The following ARSG variants were observed in gnomAD, a reference collection of about 807,000 sequenced individuals.
ARSG encodes the protein ASG.
A neutral mutation model predicts 50.5 loss-of-function variants in ARSG; 37 were observed. The observed-to-expected ratio is 0.73, with a 90% CI of 0.56 to 0.96. ARSG has a LOEUF of 0.96. Ranked by LOEUF, ARSG falls within the 50% of genes least tolerant of loss-of-function variation. The pLI, the probability that ARSG is intolerant of heterozygous loss-of-function variation, is 0.00. For synonymous variants in ARSG, 225 were observed against 254.6 expected, an observed-to-expected ratio of 0.88 and a Z score of 1.11; for missense variants, 629 against 675.3, an observed-to-expected ratio of 0.93 and a Z score of 0.76.
At chr17:68,308,104 G>A (rs2076678987) in intron 2 of ARSG, among the ~76,000 whole-genome samples, 1 of 152,004 alleles carries the variant, frequency 6.6e-6, no homozygotes, top group African/African-American at 2.4e-5. Context: ...ATGATTTTGG[G>A]ACCAGCTTGG....
intron 3 of ARSG, chr17:68,346,689 A>G (rs532386500): frequency 8.3e-7 from 1 of 1,204,368 alleles, no homozygotes; most frequent in South Asian, 1.5e-5. Context: ...AGAGAGGAAG[A>G]TGATGAAACC....
chr17:68,346,062 GATA>G (rs1302468515), intron 3 of ARSG, among the ~76,000 whole-genome samples: 1 of 152,072 alleles, frequency 6.6e-6, no homozygotes, highest in Non-Finnish European at 1.5e-5. Context: ...TTTTAGTAGA[GATA>G]AGGTTTTGCC....
chr17:68,415,666 C>A (rs1053871354), intron 11 of ARSG, among the ~76,000 whole-genome samples: 1 of 152,042 alleles, frequency 6.6e-6, no homozygotes, highest in African/African-American at 2.4e-5. Flanking sequence ...TCATTTCTTA[C>A]GTTATTAGTA....
chr17:68,410,551 C>A (rs886627567), intron 11 of ARSG, among the ~76,000 whole-genome samples: 3 of 151,670 alleles, frequency 2.0e-5, no homozygotes, highest in Admixed American at 6.6e-5. Context: ...ATTTTTGCAT[C>A]AATGTTCATC....
chr17:68,284,940 C>T (rs2075807890), intron 1 of ARSG, among the ~76,000 whole-genome samples: 2 of 152,160 alleles, frequency 1.3e-5, no homozygotes, highest in South Asian at 4.1e-4. Context: ...TCCCCGGACC[C>T]TGCCTGTACC....
chr17:68,275,021 C>T (rs573476419), intron 1 of ARSG, among the ~76,000 whole-genome samples: 7 of 152,260 alleles, frequency 4.6e-5, no homozygotes, highest in African/African-American at 1.7e-4. Context: ...CTCAGGTGAT[C>T]CGCCCACCTC....
chr17:68,368,439 G>C, intron 6 of ARSG, 109 bp from the exon 7 acceptor site: 1 of 978,340 alleles, frequency 1.0e-6, no homozygotes, highest in Non-Finnish European at 1.6e-6. Context: ...TGAGCCCGTG[G>C]GGCAGAAGGA....
At chr17:68,427,968 C>T in the ARSG span, among the ~76,000 whole-genome samples, 1 of 152,144 alleles carries the variant, frequency 6.6e-6, no homozygotes, top group African/African-American at 2.4e-5. Context: ...CAGCTTACTG[C>T]AGTCTTGACC....
In ARSG at chr17:68,301,779, G is replaced by T. The variant is rs1301886717; in HGVS notation, c.-551-5164G>T. 5.9e-5 allele frequency among the ~76,000 whole-genome samples: 9 copies of T among 152,040 alleles called. No homozygotes were observed. The East Asian group carries it at 9.7e-4, about 16-fold the overall frequency. The stretch of plus-strand genomic sequence containing the variant: ...CCATTGCTTCTGCAGTGGCTTCTTT[G>T]CCGCTCCTTGCTTGTGCCAGACCTC... On this transcript the variant is annotated intron_variant, in intron 1 of 11. Transcript: ENST00000621439.
rs370504807 is a variant in ARSG, at chr17:68,368,664, G to A, written c.821G>A (p.Trp274Ter). 1.8e-4 allele frequency: 287 copies of A among 1,614,074 alleles called. No individual in the cohort carries two copies. The highest frequency in any genetic ancestry group is 2.1e-4 in the Non-Finnish European group (250 of 1,179,948). Residue 274 changes from tryptophan (W) to a stop codon, truncating the protein, a stop_gained, in exon 7 of 12, where the codon TGG becomes TAG. Coordinates refer to ENST00000621439, the MANE Select transcript of ARSG (RefSeq NM_001267727.2). LOFTEE classifies it high-confidence loss of function. Reference protein sequence around the residue: ...RGRSLYGAGLWEMDSLVGQIK... With the variant: ...RGRSLYGAGL Reference sequence around the variant, plus strand: ...AGAAGCCTGTATGGTGCAGGGCTCTGGGAGATGGACAGTCTGGTGGGCCAG... The same window carrying A: ...AGAAGCCTGTATGGTGCAGGGCTCTAGGAGATGGACAGTCTGGTGGGCCAG...
chr17:68,324,491 G>A (rs576310735), intron 2 of ARSG, among the ~76,000 whole-genome samples: 1 of 152,156 alleles, frequency 6.6e-6, no homozygotes, highest in Non-Finnish European at 1.5e-5. Context: ...CTTCCCTCGC[G>A]TGGCTGTAGT....
At chr17:68,343,405 C>T (rs1568492391) in intron 2 of ARSG, among the ~76,000 whole-genome samples, 199 bp from the exon 3 acceptor site, 1 of 152,198 alleles carries the variant, frequency 6.6e-6, no homozygotes, top group African/African-American at 2.4e-5. Context: ...GATCCTCCCA[C>T]CTCGGCCTCT....
intron 2 of ARSG, among the ~76,000 whole-genome samples, chr17:68,338,122 C>G (rs545166795): frequency 1.3e-5 from 2 of 152,242 alleles, no homozygotes; most frequent in African/African-American, 4.8e-5. Flanking sequence ...CATCTGATTT[C>G]AAGAGGCCTT....
chr17:68,450,314 T>G, the ARSG span, among the ~76,000 whole-genome samples: 1 of 152,226 alleles, frequency 6.6e-6, no homozygotes, highest in Non-Finnish European at 1.5e-5. Context: ...CTCAGGCATC[T>G]CCTGCTCAGT....
At chr17:68,331,201 C>G (rs568021491) in intron 2 of ARSG, among the ~76,000 whole-genome samples, 1 of 48,350 alleles carries the variant, frequency 2.1e-5, no homozygotes. Flanking sequence ...TTCTTTCTTT[C>G]TTTCTTTCTT....
the ARSG span, among the ~76,000 whole-genome samples, chr17:68,435,092 A>T: frequency 6.6e-6 from 1 of 152,064 alleles, no homozygotes; most frequent in Non-Finnish European, 1.5e-5. Context: ...CTGTAATCTC[A>T]GCTACTCGGG....
intron 1 of ARSG, among the ~76,000 whole-genome samples, chr17:68,301,697 C>T (rs781905535): frequency 3.3e-5 from 5 of 151,082 alleles, no homozygotes; most frequent in Non-Finnish European, 7.4e-5. Context: ...GGCTTCCCAT[C>T]TCTCGCAGCA....
intron 1 of ARSG, among the ~76,000 whole-genome samples, chr17:68,280,944 G>A (rs2075675149): frequency 6.6e-6 from 1 of 152,076 alleles, no homozygotes; most frequent in African/African-American, 2.4e-5. Flanking sequence ...GGGCAACATG[G>A]TGAGATGCCA....
chr17:68,449,649 G>A, the ARSG span, among the ~76,000 whole-genome samples: 2 of 152,168 alleles, frequency 1.3e-5, no homozygotes, highest in African/African-American at 2.4e-5. Context: ...CTCCTGCCAC[G>A]TAAGACGCCT....
Sources: allele counts gnomAD v4.1 joint callset (sites outside exome capture counted in the v4.1 genomes callset), GRCh38; gene constraint gnomAD v4.1.1; transcripts MANE v1.5; gene names NCBI Gene and HGNC (gene_info 2026-07-23, HGNC 2026-07-21).